Variants in NEBL observed in about 807,000 individuals in gnomAD.
The protein encoded by NEBL is nebulette, also known as LIM and SH3 protein 2.
In NEBL, 122 loss-of-function variants were observed where a neutral mutation model predicts 140.2. The ratio of observed to expected loss-of-function variants is 0.87; its 90% CI spans 0.75 to 1.01. The LOEUF is 1.01. Among genes scored for constraint, NEBL ranks in the 50% least tolerant of loss-of-function variants. The pLI is 0.00. For missense variants in NEBL, 1,365 were observed against 1,231.3 expected, an observed-to-expected ratio of 1.11 and a Z score of -1.62; for synonymous variants, 436 against 398.9, an observed-to-expected ratio of 1.09 and a Z score of -1.11.
chr10:21,147,356 T>C (rs900632923), intron 2 of NEBL, among the ~76,000 whole-genome samples: 2 of 151,278 alleles, frequency 1.3e-5, no homozygotes, highest in African/African-American at 4.9e-5. Context: ...TCCTCCCTTG[T>C]ATCTTTCTGG....
intron 12 of NEBL, among the ~76,000 whole-genome samples, chr10:20,842,434 T>C (rs945718058): frequency 6.6e-6 from 1 of 152,082 alleles, no homozygotes; most frequent in African/African-American, 2.4e-5. Context: ...AACACTCTAA[T>C]GCAATGTCAA....
chr10:20,897,807 G>T (rs1847636519), upstream of NEBL, among the ~76,000 whole-genome samples: 1 of 152,128 alleles, frequency 6.6e-6, no homozygotes, highest in Non-Finnish European at 1.5e-5. Context: ...TAGCTGATTA[G>T]AGGCTACTTA....
chr10:20,871,163 TC>T (rs900532370), intron 5 of NEBL, among the ~76,000 whole-genome samples: 1 of 152,234 alleles, frequency 6.6e-6, no homozygotes, highest in African/African-American at 2.4e-5. Flanking sequence ...TCACTGGACA[TC>T]TGTACAAAAT....
intron 2 of NEBL, among the ~76,000 whole-genome samples, chr10:21,144,153 C>T (rs1356999493): frequency 6.6e-6 from 1 of 152,244 alleles, no homozygotes; most frequent in African/African-American, 2.4e-5. Context: ...GGCTGTCACT[C>T]TACTCCTCCT....
chr10:20,852,804 G>C (rs1352783091), intron 9 of NEBL, among the ~76,000 whole-genome samples, 155 bp from the exon 10 acceptor site: 1 of 152,098 alleles, frequency 6.6e-6, no homozygotes, highest in East Asian at 1.9e-4. Flanking sequence ...GGAGGTTTCT[G>C]ACACTGAGAT....
intron 4 of NEBL, among the ~76,000 whole-genome samples, chr10:20,940,110 A>AC (rs1342316029): frequency 2.0e-5 from 3 of 152,016 alleles, no homozygotes; most frequent in Non-Finnish European, 4.4e-5. Context: ...AGAACTCTCC[A>AC]CCCCAAATCA....
At chr10:20,833,770 AG>A (rs1483550160) in intron 14 of NEBL, among the ~76,000 whole-genome samples, 31 of 152,076 alleles carry the variant, frequency 2.0e-4, no homozygotes, top group Non-Finnish European at 3.8e-4. Flanking sequence ...AAAAAAAAAA[AG>A]AAAAAAAGAA....
chr10:21,127,025 G>A (rs1359760979), intron 2 of NEBL, among the ~76,000 whole-genome samples: 19 of 140,626 alleles, frequency 1.4e-4, no homozygotes. Context: ...GGGACAATAT[G>A]AATATCAAAA....
intron 2 of NEBL, among the ~76,000 whole-genome samples, chr10:20,894,613 A>G (rs1266408883): frequency 1.3e-5 from 2 of 152,084 alleles, no homozygotes; most frequent in East Asian, 3.9e-4. Flanking sequence ...GTGTATACAG[A>G]TATAAATTAA....
intron 2 of NEBL, among the ~76,000 whole-genome samples, chr10:21,079,874 T>A (rs1039526610): frequency 1.3e-5 from 2 of 152,188 alleles, no homozygotes; most frequent in African/African-American, 2.4e-5. Context: ...CTGTCCTACA[T>A]TGAACTCTCC....
intron 2 of NEBL, among the ~76,000 whole-genome samples, chr10:21,101,135 C>G (rs1036984039): frequency 2.0e-5 from 3 of 152,186 alleles, no homozygotes; most frequent in South Asian, 2.1e-4. Flanking sequence ...CCACATGACT[C>G]AAGTCTCCCC....
intron 1 of NEBL, among the ~76,000 whole-genome samples, chr10:21,272,743 C>T (rs1842874724): frequency 6.6e-6 from 1 of 152,148 alleles, no homozygotes; most frequent in Non-Finnish European, 1.5e-5. Flanking sequence ...CTTAAAAAAT[C>T]AATGAGATCA....
At chr10:21,102,688 G>A (rs980541615) in intron 2 of NEBL, among the ~76,000 whole-genome samples, 8 of 152,108 alleles carry the variant, frequency 5.3e-5, no homozygotes, top group African/African-American at 1.9e-4. Context: ...TGCATTGTAT[G>A]AGTATAACAA....
chr10:20,907,241 T>A (rs1220566648), intron 4 of NEBL, among the ~76,000 whole-genome samples: 1 of 152,174 alleles, frequency 6.6e-6, no homozygotes, highest in African/African-American at 2.4e-5. Context: ...TCCAGACCTG[T>A]CTAAATAAGT....
intron 2 of NEBL, among the ~76,000 whole-genome samples, chr10:21,143,223 C>A (rs558955148): frequency 1.3e-5 from 2 of 151,928 alleles, no homozygotes; most frequent in East Asian, 1.9e-4. Context: ...CCAAGGTGGG[C>A]GGATCACTTG....
intron 11 of NEBL, among the ~76,000 whole-genome samples, chr10:20,849,252 GA>G (rs758766745): frequency 6.7e-6 from 1 of 150,312 alleles, no homozygotes; most frequent in Non-Finnish European, 1.5e-5. Context: ...CTGGAACAGA[GA>G]AAAAAAAAGT....
At chr10:20,909,211 C>G (rs954750133) in intron 4 of NEBL, among the ~76,000 whole-genome samples, 1 of 151,782 alleles carries the variant, frequency 6.6e-6, no homozygotes, top group Non-Finnish European at 1.5e-5. Flanking sequence ...TGACAGTCAC[C>G]CTGTTGCTAT....
rs773405616 is a variant in NEBL at position 20,961,621 on chromosome 10, T to C, written c.357+51A>G. 1.3e-5 allele frequency: 18 copies of C among 1,335,572 alleles called. No individual in the cohort carries two copies. The South Asian group carries it at 2.0e-4, about 15-fold the overall frequency. 82.7% of individuals were successfully genotyped at this position (1,335,572 alleles called of 1,614,324 possible). A position where few individuals can be genotyped will look rare whatever the true frequency, so the allele number is the denominator to read the frequency against. ...CAAGTCATCCAGCCTCCCTTTCTCA[T>C]CCAGAAATGCACATCAGAGCCATCA... On this transcript the variant is annotated intron_variant, in intron 4 of 6. Transcript: ENST00000417816.
intron 14 of NEBL, among the ~76,000 whole-genome samples, chr10:20,833,473 T>G (rs999265603): frequency 6.6e-6 from 1 of 152,152 alleles, no homozygotes; most frequent in African/African-American, 2.4e-5. Context: ...TATATGCAAA[T>G]GAGATTTTTA....
Sources: gnomAD v4.1 joint callset for allele counts (sites outside exome capture counted in the v4.1 genomes callset) on GRCh38, gnomAD v4.1.1 for gene constraint, MANE v1.5 for transcripts, NCBI Gene and HGNC (gene_info 2026-07-23, HGNC 2026-07-21) for gene names.